Variants in ASL observed in about 807,000 individuals in gnomAD.
ASL encodes argininosuccinase.
ASL carries 51 observed loss-of-function variants against 69.1 expected under a neutral mutation model. The observed-to-expected ratio is 0.74, with a 90% CI of 0.59 to 0.93. The LOEUF is 0.93. Ranked by LOEUF, ASL falls within the 40% of genes least tolerant of loss-of-function variation. The pLI is 0.00. For synonymous variants in ASL, 241 were observed against 247.6 expected (o/e 0.97, Z 0.25); for missense variants, 540 against 623.9 (o/e 0.87, Z 1.43).
chr7:66,080,230 C>CA (rs1270101030), intron 2 of ASL, among the ~76,000 whole-genome samples: 5 of 149,562 alleles, frequency 3.3e-5, no homozygotes, highest in Non-Finnish European at 7.4e-5. Context: ...AAAAAAAATA[C>CA]AAAAAATTAG....
chr7:66,088,951 C>T (rs768826627), intron 11 of ASL, 30 bp downstream of exon 11: 185 of 1,609,864 alleles, frequency 1.1e-4, no homozygotes, highest in Non-Finnish European at 1.6e-4. Flanking sequence ...CTCCATCTGC[C>T]GCTGCCGGCC....
chr7:66,077,811 A>G (rs1786391739), intron 2 of ASL, among the ~76,000 whole-genome samples: 1 of 152,078 alleles, frequency 6.6e-6, no homozygotes, highest in South Asian at 2.1e-4. Flanking sequence ...TGCTCATTCA[A>G]CCCAGCCCAA....
chr7:66,087,636 C>G, intron 9 of ASL, 93 bp from the exon 10 acceptor site: 1 of 1,405,020 alleles, frequency 7.1e-7, no homozygotes, highest in Non-Finnish European at 1.0e-6. Flanking sequence ...GTTGCCCCAC[C>G]CTGATCAGGG....
intron 2 of ASL, among the ~76,000 whole-genome samples, chr7:66,077,980 C>T (rs1386693142): frequency 2.0e-5 from 3 of 152,146 alleles, no homozygotes; most frequent in Non-Finnish European, 4.4e-5. Flanking sequence ...CTTATGCCTG[C>T]CAGTAAGGAT....
intron 14 of ASL, among the ~76,000 whole-genome samples, chr7:66,090,073 A>T (rs969352091): frequency 6.6e-6 from 1 of 152,158 alleles, no homozygotes; most frequent in African/African-American, 2.4e-5. Flanking sequence ...CCACGTCTCT[A>T]CTAAAAATAC....
chr7:66,086,074 C>T (rs1454667088), intron 6 of ASL, among the ~76,000 whole-genome samples: 1 of 152,094 alleles, frequency 6.6e-6, no homozygotes, highest in East Asian at 1.9e-4. Flanking sequence ...GGCAACAGAA[C>T]GAGACCTTGT....
intron 2 of ASL, among the ~76,000 whole-genome samples, chr7:66,078,676 C>G (rs1786416607): frequency 6.6e-6 from 1 of 151,336 alleles, no homozygotes; most frequent in South Asian, 2.1e-4. Flanking sequence ...GCTCTGTCGC[C>G]CAAGCTGGAG....
chr7:66,089,510 C>T (rs560019979), intron 13 of ASL, 102 bp from the exon 14 acceptor site: 1 of 1,474,472 alleles, frequency 6.8e-7, no homozygotes, highest in African/African-American at 1.4e-5. Flanking sequence ...AGTGTTCTTC[C>T]CATGGAAGGC....
rs994570368 is a variant in ASL, at chr7:66,077,654, G to A, written c.12+1561G>A. On this transcript the variant is annotated intron_variant, in intron 2 of 16. Transcript: ENST00000304874. Reference sequence around the variant, plus strand: ...TGAGGCAGGAGAATCGCTTGAACTCGGGAGGCGGAGGTTGCAGTGAGCTGA... The same window carrying A: ...TGAGGCAGGAGAATCGCTTGAACTCAGGAGGCGGAGGTTGCAGTGAGCTGA... 1.8e-4 allele frequency among the ~76,000 whole-genome samples: 27 copies of A among 151,580 alleles called. No individual in the cohort carries two copies. The East Asian group carries it at 2.7e-3, about 15-fold the overall frequency.
intron 13 of ASL, 51 bp downstream of exon 13, chr7:66,089,386 G>T: frequency 6.4e-7 from 1 of 1,561,054 alleles, no homozygotes; most frequent in South Asian, 1.2e-5. Context: ...TCAGGGCTCT[G>T]GCACACTCAG....
At chr7:66,078,626 C>CTTATTA (rs140699491) in intron 2 of ASL, among the ~76,000 whole-genome samples, 13 of 151,132 alleles carry the variant, frequency 8.6e-5, no homozygotes, top group African/African-American at 2.2e-4. Context: ...TTATCCTTAT[C>CTTATTA]TTATTATTAT....
At chr7:66,079,053 G>A (rs1786429539) in intron 2 of ASL, among the ~76,000 whole-genome samples, 2 of 152,100 alleles carry the variant, frequency 1.3e-5, no homozygotes, top group Admixed American at 6.6e-5. Flanking sequence ...GGGACTACAG[G>A]CGCCCAACAC....
At chr7:66,084,648 CTT>C (rs1355934008) in intron 6 of ASL, among the ~76,000 whole-genome samples, 1 of 151,804 alleles carries the variant, frequency 6.6e-6, no homozygotes, top group Non-Finnish European at 1.5e-5. Flanking sequence ...GAGACAGAGT[CTT>C]GCTCTGTTGC....
At chr7:66,082,095 G>A (rs751355386) in intron 3 of ASL, 98 bp downstream of exon 3, 270 of 1,434,566 alleles carry the variant, frequency 1.9e-4, no homozygotes, top group Non-Finnish European at 2.4e-4. Flanking sequence ...GCCCATCTGT[G>A]GTTTCACATT....
chr7:66,076,000 G>A (rs1350723211), intron 1 of ASL, 39 bp from the exon 2 acceptor site: 5 of 1,545,774 alleles, frequency 3.2e-6, no homozygotes, highest in Non-Finnish European at 4.4e-6. Context: ...GGGGGACCCT[G>A]CTGGCCAAGG....
intron 6 of ASL, among the ~76,000 whole-genome samples, chr7:66,085,203 G>T (rs906949809): frequency 1.3e-4 from 20 of 151,844 alleles, no homozygotes; most frequent in African/African-American, 3.9e-4. Context: ...CAGGCCAGGT[G>T]CTGTGGCTCA....
chr7:66,085,069 A>T (rs929863004), intron 6 of ASL, among the ~76,000 whole-genome samples: 1 of 152,134 alleles, frequency 6.6e-6, no homozygotes, highest in African/African-American at 2.4e-5. Flanking sequence ...TGAGTACAGA[A>T]TTTCTTCATG....
Position 66,092,888 on chromosome 7 carries a change from G to T in ASL, c.1371G>T (p.Ala457=). 2 of 1,609,862 alleles carry T rather than the reference G, an allele frequency of 1.2e-6. No homozygotes were observed. The highest frequency in any genetic ancestry group is 8.5e-7 in the Non-Finnish European group (1 of 1,179,872). ...ACTGGCAGATCCGCCAGGTGCGGGCGCTACTGCAGGCACAGCAGGCCTAGG... is the reference window on the plus strand; with the variant it reads ...ACTGGCAGATCCGCCAGGTGCGGGCTCTACTGCAGGCACAGCAGGCCTAGG... ...SVDWQIRQVR[A]LLQAQQA The change falls in exon 17 of 17, where the codon GCG becomes GCT. Residue 457 remains alanine (A), a synonymous_variant. Coordinates refer to ENST00000304874, the MANE Select transcript of ASL (RefSeq NM_000048.4).
chr7:66,089,272 G>T lies in ASL; in HGVS notation c.919-4G>T, dbSNP rs756230523. The T allele has an allele frequency of 6.2e-7, 1 of 1,610,634 alleles. No individual in the cohort carries two copies. The highest frequency in any genetic ancestry group is 1.1e-5 in the South Asian group (1 of 90,784). Reference sequence around the variant, plus strand: ...CCAGCCCCTGTGCCTCCCTCTTCCCGCAGTGTGCCGGGCTCCTGATGACCC... The same window carrying T: ...CCAGCCCCTGTGCCTCCCTCTTCCCTCAGTGTGCCGGGCTCCTGATGACCC... On this transcript the variant is annotated splice_polypyrimidine_tract_variant and splice_region_variant and intron_variant, in intron 12 of 16. Transcript: ENST00000304874.
Sources: allele counts gnomAD v4.1 joint callset (sites outside exome capture counted in the v4.1 genomes callset), GRCh38; gene constraint gnomAD v4.1.1; transcripts MANE v1.5; gene names NCBI Gene and HGNC (gene_info 2026-07-23, HGNC 2026-07-21).